NMBR: variants seen among roughly 807,000 people sequenced by gnomAD.
NMBR encodes the protein neuromedin B receptor, also known as neuromedin-B receptor.
Under a neutral mutation model 20.5 loss-of-function variants are expected in NMBR, and 16 were observed. That is an observed-to-expected ratio of 0.78 (90% CI 0.53 to 1.19). The LOEUF is 1.19. Among genes scored for constraint, NMBR ranks in the 50% most tolerant of loss-of-function variants. The pLI, the probability that NMBR is intolerant of heterozygous loss-of-function variation, is 0.00. For missense variants in NMBR, 582 were observed against 499.1 expected (o/e 1.17, Z -1.58); for synonymous variants, 212 against 196.6 (o/e 1.08, Z -0.65).
Position 142,127,618 on chromosome 6 carries a change from T to C in NMBR, c.-664+19426A>G, listed in dbSNP as rs1352034765. Among the ~76,000 whole-genome samples, 5 of 152,138 alleles carry C rather than the reference T, an allele frequency of 3.3e-5. No individual in the cohort carries two copies. In the East Asian group the frequency reaches 9.7e-4, roughly 29 times the overall value. ...TAATAATATTAATTTTTCCAATACA[T>C]GCATATGAATGTCTTTCCATTTATC... On this transcript the variant is annotated intron_variant, in intron 1 of 3. Transcript: ENST00000258042.
intron 1 of NMBR, among the ~76,000 whole-genome samples, chr6:142,107,430 A>G (rs1172067262): frequency 2.6e-5 from 4 of 152,322 alleles, no homozygotes; most frequent in African/African-American, 9.6e-5. Context: ...ACAAATTAAT[A>G]ATTAAATCAG....
intron 1 of NMBR, among the ~76,000 whole-genome samples, chr6:142,133,522 A>G (rs564427272): frequency 5.2e-4 from 79 of 152,282 alleles, no homozygotes; most frequent in African/African-American, 1.9e-3. Flanking sequence ...TTTTTATCTA[A>G]TTTTCAAAAA....
chr6:142,126,250 C>CCTCTCTCTCTCT (rs145085633), intron 1 of NMBR, among the ~76,000 whole-genome samples: 23 of 146,868 alleles, frequency 1.6e-4, no homozygotes, highest in Middle Eastern at 3.5e-3. Context: ...TAACAATATT[C>CCTCTCTCTCTCT]CTCTCTCTCT....
At chr6:142,134,776 A>G in intron 1 of NMBR, 1 of 692,810 alleles carries the variant, frequency 1.4e-6, no homozygotes, top group Non-Finnish European at 2.6e-6. Context: ...GGAAAACATG[A>G]TTATAAGATG....
chr6:142,138,139 C>T (rs1287998377), intron 1 of NMBR, among the ~76,000 whole-genome samples: 2 of 152,056 alleles, frequency 1.3e-5, no homozygotes, highest in Non-Finnish European at 2.9e-5. Context: ...TTTTTATCTG[C>T]CTGCCTTACC....
At chr6:142,090,816 A>C (rs537761242) in intron 1 of NMBR, among the ~76,000 whole-genome samples, 1 of 151,800 alleles carries the variant, frequency 6.6e-6, no homozygotes, top group Non-Finnish European at 1.5e-5. Flanking sequence ...ATGCCATTTT[A>C]ACATATTTTA....
chr6:142,134,714 T>A, intron 1 of NMBR: 1 of 690,394 alleles, frequency 1.4e-6, no homozygotes, highest in Non-Finnish European at 2.6e-6. Flanking sequence ...CAGATTTACC[T>A]CTTTGGTTTC....
intron 1 of NMBR, among the ~76,000 whole-genome samples, chr6:142,096,935 T>C: frequency 6.6e-6 from 1 of 152,054 alleles, no homozygotes; most frequent in East Asian, 1.9e-4. Flanking sequence ...AATGGCCTTC[T>C]TTGTCTCTAT....
At chr6:142,098,844 T>C (rs914078134) in intron 1 of NMBR, among the ~76,000 whole-genome samples, 3 of 152,148 alleles carry the variant, frequency 2.0e-5, no homozygotes, top group Non-Finnish European at 4.4e-5. Context: ...AGATTCAGAA[T>C]AGTCAACACA....
At chr6:142,108,136 G>A (rs1777691910) in intron 1 of NMBR, among the ~76,000 whole-genome samples, 2 of 152,084 alleles carry the variant, frequency 1.3e-5, no homozygotes, top group Non-Finnish European at 2.9e-5. Flanking sequence ...AACAGAAGTA[G>A]AGGACAAAAA....
intron 2 of NMBR, among the ~76,000 whole-genome samples, 181 bp downstream of exon 2, chr6:142,088,056 A>G (rs1777231996): frequency 6.6e-6 from 1 of 151,990 alleles, no homozygotes; most frequent in Non-Finnish European, 1.5e-5. Context: ...CAAGCCTCAC[A>G]TGTCAGTCCG....
At chr6:142,096,766 G>A (rs1364349501) in intron 1 of NMBR, among the ~76,000 whole-genome samples, 15 of 152,122 alleles carry the variant, frequency 9.9e-5, no homozygotes, top group Middle Eastern at 6.8e-3. Flanking sequence ...AATGTTGACA[G>A]TGGGGTGTTA....
chr6:142,100,997 A>G (rs1403309581), intron 1 of NMBR, among the ~76,000 whole-genome samples: 2 of 152,240 alleles, frequency 1.3e-5, no homozygotes, highest in Admixed American at 1.3e-4. Context: ...AAATGAGCAG[A>G]GAACAATTCA....
At chr6:142,084,428 A>G (rs1426558969) in intron 2 of NMBR, among the ~76,000 whole-genome samples, 1 of 152,182 alleles carries the variant, frequency 6.6e-6, no homozygotes, top group Non-Finnish European at 1.5e-5. Flanking sequence ...TTAATCCAAC[A>G]TTGGCTATTT....
intron 1 of NMBR, among the ~76,000 whole-genome samples, chr6:142,144,848 A>G (rs225621): frequency 0.41 from 61,513 of 151,572 alleles, 13,044 homozygotes; most frequent in Middle Eastern, 0.57. Flanking sequence ...CTAAGAGTTC[A>G]AGACCTGCCT....
At chr6:142,135,502 A>G (rs545049309) in intron 1 of NMBR, among the ~76,000 whole-genome samples, 10 of 152,044 alleles carry the variant, frequency 6.6e-5, no homozygotes, top group Admixed American at 1.3e-4. Flanking sequence ...TCTTTTATTT[A>G]TTATTATTAT....
chr6:142,142,256 A>C (rs1778372838), intron 1 of NMBR, among the ~76,000 whole-genome samples: 1 of 152,230 alleles, frequency 6.6e-6, no homozygotes, highest in Non-Finnish European at 1.5e-5. Context: ...AATTCCACTA[A>C]ATGTTTAAGG....
At chr6:142,110,288 G>A (rs1036753963) in intron 1 of NMBR, among the ~76,000 whole-genome samples, 2 of 151,992 alleles carry the variant, frequency 1.3e-5, no homozygotes, top group African/African-American at 4.8e-5. Context: ...TCACAGAATT[G>A]TTCATAATAG....
At chr6:142,128,908 A>G (rs777829138) in intron 1 of NMBR, among the ~76,000 whole-genome samples, 1 of 125,748 alleles carries the variant, frequency 8.0e-6, no homozygotes, top group Non-Finnish European at 1.9e-5. Context: ...TCAATTTTTC[A>G]GAAGAGCTTA....
Sources: gnomAD v4.1 joint callset for allele counts (sites outside exome capture counted in the v4.1 genomes callset) on GRCh38, gnomAD v4.1.1 for gene constraint, MANE v1.5 for transcripts, NCBI Gene and HGNC (gene_info 2026-07-23, HGNC 2026-07-21) for gene names.